The following ADAM18 variants were observed in gnomAD, a reference collection of about 807,000 sequenced individuals.
The protein encoded by ADAM18 is ADAM metallopeptidase domain 18.
Under a neutral mutation model 94.4 loss-of-function variants are expected in ADAM18, and 117 were observed. That is an observed-to-expected ratio of 1.24 (90% CI 1.07 to 1.45). The LOEUF is 1.45. Ranked by LOEUF, ADAM18 falls within the 40% of genes most tolerant of loss-of-function variation. The pLI is 0.00. For synonymous variants in ADAM18, 327 were observed against 291.6 expected, an observed-to-expected ratio of 1.12 and a Z score of -1.24; for missense variants, 936 against 880.0, an observed-to-expected ratio of 1.06 and a Z score of -0.81.
intron 14 of ADAM18, among the ~76,000 whole-genome samples, chr8:39,674,634 T>A (rs1052686985): frequency 6.6e-6 from 1 of 152,206 alleles, no homozygotes; most frequent in Non-Finnish European, 1.5e-5. Context: ...TTAAGGTTAA[T>A]ATTGTTATGT....
At chr8:39,684,527 C>G (rs1426495002) in intron 16 of ADAM18, among the ~76,000 whole-genome samples, 1 of 152,124 alleles carries the variant, frequency 6.6e-6, no homozygotes, top group Non-Finnish European at 1.5e-5. Flanking sequence ...CCATGCCACA[C>G]CTCTCACAGG....
chr8:39,634,149 G>T (rs1820009370), intron 7 of ADAM18, among the ~76,000 whole-genome samples: 1 of 152,100 alleles, frequency 6.6e-6, no homozygotes, highest in South Asian at 2.1e-4. Flanking sequence ...GCACTTCTCT[G>T]CTGCCCTGGC....
At chr8:39,601,453 T>C (rs1435694194) in intron 2 of ADAM18, among the ~76,000 whole-genome samples, 5 of 152,270 alleles carry the variant, frequency 3.3e-5, no homozygotes, top group Non-Finnish European at 7.3e-5. Flanking sequence ...TTGACACTTT[T>C]ATCATTATGA....
rs1821040948 is a variant in ADAM18 at position 39,668,097 on chromosome 8, T to C, written c.1426T>C (p.Tyr476His). The C allele has an allele frequency of 6.2e-7, 1 of 1,614,052 alleles. No homozygotes were observed. The highest frequency in any genetic ancestry group is 2.2e-5 in the East Asian group (1 of 44,884). ...GTSSNCVPDT[Y>H]ALNGRLCKLG... ...CTCTAGTAATTGTGTTCCTGACACTTATGCATTGAATGGCCGTTTGTGCAA... is the reference window on the plus strand; with the variant it reads ...CTCTAGTAATTGTGTTCCTGACACTCATGCATTGAATGGCCGTTTGTGCAA... The change falls in exon 14 of 20, where the codon TAT becomes CAT. Residue 476 changes from tyrosine to histidine, a missense_variant. By Grantham distance (83) the Tyr-to-His change is moderately conservative. Coordinates refer to ENST00000265707, the MANE Select transcript of ADAM18 (RefSeq NM_014237.3).
chr8:39,610,959 A>C, intron 6 of ADAM18: 1 of 1,216,832 alleles, frequency 8.2e-7, no homozygotes, highest in Non-Finnish European at 1.0e-6. Flanking sequence ...CTATTGAAAA[A>C]GTTTAGAAAT....
At chr8:39,634,804 A>G (rs1056387295) in intron 7 of ADAM18, among the ~76,000 whole-genome samples, 2 of 152,184 alleles carry the variant, frequency 1.3e-5, no homozygotes, top group African/African-American at 4.8e-5. Flanking sequence ...TTTAGGTGAG[A>G]TTTTGAAATT....
intron 17 of ADAM18, among the ~76,000 whole-genome samples, chr8:39,704,123 C>G (rs1822161358): frequency 6.6e-6 from 1 of 152,068 alleles, no homozygotes; most frequent in South Asian, 2.1e-4. Flanking sequence ...GTGATTTCTA[C>G]CTGAGGTACA....
intron 2 of ADAM18, among the ~76,000 whole-genome samples, chr8:39,588,060 C>T (rs903831555): frequency 2.0e-5 from 3 of 152,082 alleles, no homozygotes; most frequent in African/African-American, 7.2e-5. Flanking sequence ...CCAGAAGTTG[C>T]ATTGCTGGAT....
chr8:39,618,587 T>C (rs1819516355), intron 6 of ADAM18, among the ~76,000 whole-genome samples: 1 of 152,060 alleles, frequency 6.6e-6, no homozygotes, highest in South Asian at 2.1e-4. Context: ...AAACAATCCA[T>C]AGAAACACGA....
intron 16 of ADAM18, among the ~76,000 whole-genome samples, chr8:39,690,964 C>T (rs908281825): frequency 6.6e-6 from 1 of 152,092 alleles, no homozygotes; most frequent in Admixed American, 6.5e-5. Flanking sequence ...AACCTTGAAG[C>T]CCATCAATAG....
intron 12 of ADAM18, among the ~76,000 whole-genome samples, chr8:39,649,254 C>T (rs1207189839): frequency 6.6e-6 from 1 of 152,096 alleles, no homozygotes; most frequent in African/African-American, 2.4e-5. Flanking sequence ...TCTTTTAAGT[C>T]ATCCTATATT....
chr8:39,675,437 C>G (rs117183686), intron 14 of ADAM18, among the ~76,000 whole-genome samples: 5,374 of 152,244 alleles, frequency 0.035, 124 homozygotes, highest in Non-Finnish European at 0.054. Context: ...TTGTGCATGC[C>G]TCACGAAGTT....
chr8:39,592,046 C>A (rs1328306284), intron 2 of ADAM18, among the ~76,000 whole-genome samples: 1 of 152,182 alleles, frequency 6.6e-6, no homozygotes, highest in Non-Finnish European at 1.5e-5. Context: ...CAACAGTCAG[C>A]TTCAAATATT....
chr8:39,722,217 G>GTATATATATA (rs61542840), intron 18 of ADAM18, among the ~76,000 whole-genome samples: 1 of 91,582 alleles, frequency 1.1e-5, no homozygotes, highest in Non-Finnish European at 2.0e-5. Flanking sequence ...GTGTGTGTGT[G>GTATATATATA]TATATATATA....
At chr8:39,713,516 G>C (rs1044275611) in intron 18 of ADAM18, among the ~76,000 whole-genome samples, 6 of 152,082 alleles carry the variant, frequency 3.9e-5, no homozygotes, top group Non-Finnish European at 5.9e-5. Context: ...CTACAGAATG[G>C]GAGGAAATTT....
chr8:39,724,951 T>A (rs1363124081), intron 19 of ADAM18, among the ~76,000 whole-genome samples: 4 of 1,086 alleles, frequency 3.7e-3, no homozygotes, highest in Non-Finnish European at 6.8e-3. Context: ...AAATTTAAAA[T>A]TTTTTAAATT....
chr8:39,696,890 A>G (rs1174705019), intron 17 of ADAM18, among the ~76,000 whole-genome samples: 2 of 151,578 alleles, frequency 1.3e-5, no homozygotes, highest in Non-Finnish European at 3.0e-5. Flanking sequence ...GCATTTTTCA[A>G]TTTGTGCAAA....
At chr8:39,670,048 C>T (rs1821110768) in intron 14 of ADAM18, among the ~76,000 whole-genome samples, 1 of 152,138 alleles carries the variant, frequency 6.6e-6, no homozygotes, top group Admixed American at 6.5e-5. Context: ...GTTTGATTTG[C>T]ATTTCTCTGA....
At chr8:39,600,763 C>A (rs1004328599) in intron 2 of ADAM18, among the ~76,000 whole-genome samples, 3 of 152,128 alleles carry the variant, frequency 2.0e-5, no homozygotes, top group African/African-American at 7.2e-5. Flanking sequence ...GTGGGACATG[C>A]ACAACAGGAT....
Sources: allele counts gnomAD v4.1 joint callset (sites outside exome capture counted in the v4.1 genomes callset), GRCh38; gene constraint gnomAD v4.1.1; transcripts MANE v1.5; gene names NCBI Gene and HGNC (gene_info 2026-07-23, HGNC 2026-07-21).